The following MMP7 variants were observed in gnomAD, a reference collection of about 807,000 sequenced individuals.
MMP7 encodes matrix metallopeptidase 7.
In MMP7, 26 loss-of-function variants were observed where a neutral mutation model predicts 31.5. That is an observed-to-expected ratio of 0.83 (90% CI 0.61 to 1.15). The LOEUF is 1.15. MMP7 is among the 50% of genes most tolerant of loss of function. The pLI, the probability that MMP7 is intolerant of heterozygous loss-of-function variation, is 0.00. For missense variants in MMP7, 367 were observed against 326.5 expected (o/e 1.12, Z -0.96); for synonymous variants, 142 against 124.2 (o/e 1.14, Z -0.95).
At chr11:102,528,030 C>A in intron 1 of MMP7, 47 bp from the exon 2 acceptor site, 1 of 1,386,128 alleles carries the variant, frequency 7.2e-7, no homozygotes, top group South Asian at 1.3e-5. Context: ...TTATTATATT[C>A]TTTTATCTTA....
In MMP7 at chr11:102,525,033, T is replaced by A. The variant is rs757065052; in HGVS notation, c.516A>T (p.Pro172=). The A allele has an allele frequency of 1.2e-5, 19 of 1,613,218 alleles. No homozygotes were observed. The highest frequency in any genetic ancestry group is 1.5e-5 in the Non-Finnish European group (18 of 1,179,720). ...AHGDSYPFDG[P]GNTLAHAFAP... is the part of the protein sequence containing the mutation. The stretch of plus-strand genomic sequence containing the variant: ...CAAAGGCATGAGCCAGCGTGTTTCC[T>A]GGCCCATCAAATGGGTAGGAGTCCC... Residue 172 remains proline (P), a synonymous_variant, in exon 4 of 6, where the codon CCA becomes CCT. Coordinates refer to ENST00000260227, the MANE Select transcript of MMP7 (RefSeq NM_002423.5).
At chr11:102,529,065 G>C (rs905419396) in intron 1 of MMP7, among the ~76,000 whole-genome samples, 9 of 152,128 alleles carry the variant, frequency 5.9e-5, no homozygotes, top group African/African-American at 2.2e-4. Context: ...AACATGTGTA[G>C]GGTTATATGA....
chr11:102,527,895 A>G lies in MMP7; in HGVS notation c.197T>C (p.Phe66Ser). The change falls in exon 2 of 6, where the codon TTT becomes TCT. Residue 66 changes from phenylalanine (F) to serine (S), a missense_variant. By Grantham distance (155) the Phe-to-Ser change is radical. Coordinates refer to ENST00000260227, the MANE Select transcript of MMP7 (RefSeq NM_002423.5). The part of the protein sequence containing the change: ...EAKLKEMQKF[F>S]GLPITGMLNS... ...TAACATTCCAGTTATAGGTAGGCCA[A>G]AGAATTTTTGCATCTCCTTGAGTTT... 6.2e-7 allele frequency: 1 copy of G among 1,614,160 alleles called. No homozygotes were observed. The highest frequency in any genetic ancestry group is 8.5e-7 in the Non-Finnish European group (1 of 1,180,020).
intron 5 of MMP7, among the ~76,000 whole-genome samples, chr11:102,522,191 G>A (rs1858620579): frequency 6.6e-6 from 1 of 152,192 alleles, no homozygotes. Context: ...TACAGTTTGG[G>A]ACATGCTGAT....
intron 3 of MMP7, among the ~76,000 whole-genome samples, chr11:102,526,299 G>C (rs1858672361): frequency 6.7e-6 from 1 of 150,000 alleles, no homozygotes; most frequent in Non-Finnish European, 1.5e-5. Flanking sequence ...GAATACAGTG[G>C]TGTGACCTTG....
At chr11:102,523,978 G>T (rs1421113076) in intron 4 of MMP7, among the ~76,000 whole-genome samples, 1 of 152,154 alleles carries the variant, frequency 6.6e-6, no homozygotes, top group Non-Finnish European at 1.5e-5. Context: ...CTTTGTTTTT[G>T]ATTTTGATTC....
At chr11:102,527,120 T>C (rs1858680570) in intron 3 of MMP7, 1 of 242,904 alleles carries the variant, frequency 4.1e-6, no homozygotes, top group Admixed American at 5.2e-5. Context: ...TAAATAATAA[T>C]TCACGTTACA....
intron 4 of MMP7, among the ~76,000 whole-genome samples, chr11:102,523,755 A>G (rs1329241335): frequency 6.6e-6 from 1 of 152,220 alleles, no homozygotes; most frequent in Non-Finnish European, 1.5e-5. Context: ...ACAACTCTGG[A>G]CAGATTAATT....
At chr11:102,524,812 T>C in intron 4 of MMP7, 124 bp downstream of exon 4, 1 of 1,037,312 alleles carries the variant, frequency 9.6e-7, no homozygotes. Flanking sequence ...TTCAGGCATA[T>C]AGTACAGTGT....
intron 1 of MMP7, 113 bp downstream of exon 1, chr11:102,530,480 C>T: frequency 1.2e-6 from 1 of 843,422 alleles, no homozygotes; most frequent in Non-Finnish European, 2.0e-6. Context: ...GAAGAACCAC[C>T]CCAAAGAAAA....
chr11:102,525,174 G>A, intron 3 of MMP7, 110 bp from the exon 4 acceptor site: 2 of 1,358,402 alleles, frequency 1.5e-6, no homozygotes, highest in South Asian at 3.0e-5. Flanking sequence ...CCCAGTCCAG[G>A]CCAGGCATGG....
intron 4 of MMP7, 126 bp downstream of exon 4, chr11:102,524,810 T>G: frequency 9.8e-7 from 1 of 1,015,700 alleles, no homozygotes; most frequent in Non-Finnish European, 1.3e-6. Context: ...ATTTCAGGCA[T>G]ATAGTACAGT....
At position 102,527,995 on chromosome 11, in the gene MMP7, A is replaced by C; in HGVS notation, c.109-12T>G. 1 of 1,569,818 alleles carries C rather than the reference A, an allele frequency of 6.4e-7. No homozygotes were observed. Among genetic ancestry groups the C allele is most frequent in the South Asian group, 1.1e-5 (1 of 89,540 alleles). On this transcript the variant is annotated splice_polypyrimidine_tract_variant and intron_variant, in intron 1 of 5. Coordinates refer to ENST00000260227, the MANE Select transcript of MMP7 (RefSeq NM_002423.5). ...CTCTTGAGATAGTCCTATTGAAAAG[A>C]GAGTAATTAATCTATAGTTCTTGTT...
chr11:102,522,877 C>A (rs1226837508), intron 5 of MMP7, among the ~76,000 whole-genome samples: 2 of 152,132 alleles, frequency 1.3e-5, no homozygotes, highest in Non-Finnish European at 2.9e-5. Context: ...TAGGAGTGGG[C>A]AGCTATGAAG....
chr11:102,526,149 T>TAC (rs1358430725), intron 3 of MMP7, among the ~76,000 whole-genome samples: 22 of 149,978 alleles, frequency 1.5e-4, no homozygotes, highest in South Asian at 4.2e-4. Context: ...TATACATATA[T>TAC]ACACACACAC....
intron 1 of MMP7, among the ~76,000 whole-genome samples, chr11:102,529,485 G>A (rs1372705012): frequency 1.3e-5 from 2 of 152,050 alleles, no homozygotes; most frequent in Non-Finnish European, 2.9e-5. Flanking sequence ...GAAACTAAAC[G>A]CAGAGTACTC....
intron 1 of MMP7, among the ~76,000 whole-genome samples, chr11:102,528,746 G>T (rs1377687608): frequency 6.6e-6 from 1 of 152,094 alleles, no homozygotes; most frequent in African/African-American, 2.4e-5. Flanking sequence ...TTTCTCTAAA[G>T]TTTCTCAGTA....
At chr11:102,526,547 T>C (rs1176708176) in intron 3 of MMP7, among the ~76,000 whole-genome samples, 1 of 152,180 alleles carries the variant, frequency 6.6e-6, no homozygotes, top group Non-Finnish European at 1.5e-5. Flanking sequence ...GTGTTATATA[T>C]TTTTAAGTTC....
chr11:102,524,582 C>A (rs1205725580), intron 4 of MMP7: 1 of 156,930 alleles, frequency 6.4e-6, no homozygotes, highest in Admixed American at 6.4e-5. Flanking sequence ...ACTGTATAAG[C>A]ATTATCTCAT....
Sources: gnomAD v4.1 joint callset for allele counts (sites outside exome capture counted in the v4.1 genomes callset) on GRCh38, gnomAD v4.1.1 for gene constraint, MANE v1.5 for transcripts, NCBI Gene and HGNC (gene_info 2026-07-23, HGNC 2026-07-21) for gene names.